The following EYA4 variants were observed in gnomAD, a reference collection of about 807,000 sequenced individuals.
EYA4 encodes the protein protein phosphatase EYA4.
A neutral mutation model predicts 87.9 loss-of-function variants in EYA4; 31 were observed. The ratio of observed to expected loss-of-function variants is 0.35; its 90% CI spans 0.27 to 0.48. The LOEUF (loss-of-function observed/expected upper bound fraction) is 0.48. Among genes scored for constraint, EYA4 ranks in the 20% least tolerant of loss-of-function variants. The pLI is 0.99. For synonymous variants in EYA4, 263 were observed against 270.6 expected (o/e 0.97, Z 0.28); for missense variants, 678 against 761.4 (o/e 0.89, Z 1.29).
chr6:133,248,418 ACCACATACC>A, intron 1 of EYA4: 1 of 152,240 alleles, frequency 6.6e-6, no homozygotes. Flanking sequence ...AAGTAGGTGT[ACCACATACC>A]GGGAGGGCTC....
chr6:133,490,307 C>T (rs1797031987), intron 13 of EYA4, among the ~76,000 whole-genome samples: 2 of 151,542 alleles, frequency 1.3e-5, no homozygotes, highest in South Asian at 4.2e-4. Flanking sequence ...GGAATAAGTC[C>T]TTACTTATCA....
intron 1 of EYA4, among the ~76,000 whole-genome samples, chr6:133,246,433 G>C (rs772846082): frequency 1.7e-4 from 26 of 150,898 alleles, no homozygotes; most frequent in Non-Finnish European, 2.4e-4. Context: ...GTTCTATCGT[G>C]TTAGAATTTT....
chr6:133,526,153 C>T (rs1053275206), intron 19 of EYA4, among the ~76,000 whole-genome samples: 1 of 152,148 alleles, frequency 6.6e-6, no homozygotes, highest in Non-Finnish European at 1.5e-5. Flanking sequence ...CAACTCCACC[C>T]TAAGATCTAC....
At chr6:133,486,171 T>C (rs1173182551) in intron 13 of EYA4, among the ~76,000 whole-genome samples, 1 of 152,250 alleles carries the variant, frequency 6.6e-6, no homozygotes, top group Non-Finnish European at 1.5e-5. Context: ...CCTTGTCGAA[T>C]TCCATGAAAA....
chr6:133,505,598 C>T (rs1164274558), intron 13 of EYA4, among the ~76,000 whole-genome samples: 2 of 152,200 alleles, frequency 1.3e-5, no homozygotes, highest in East Asian at 3.9e-4. Context: ...GCACCATCCT[C>T]TGCCAGCTCT....
chr6:133,331,267 T>C (rs1459601923), intron 2 of EYA4, among the ~76,000 whole-genome samples: 1 of 152,148 alleles, frequency 6.6e-6, no homozygotes, highest in South Asian at 2.1e-4. Flanking sequence ...TTTAAAAATT[T>C]GTGAAATATC....
intron 2 of EYA4, among the ~76,000 whole-genome samples, chr6:133,371,403 A>G (rs1172985180): frequency 6.6e-6 from 1 of 152,134 alleles, no homozygotes; most frequent in Non-Finnish European, 1.5e-5. Context: ...TTTCTGAAAT[A>G]CTCTGCAATT....
intron 1 of EYA4, among the ~76,000 whole-genome samples, chr6:133,266,476 C>T (rs1222228259): frequency 6.6e-6 from 1 of 152,114 alleles, no homozygotes; most frequent in Admixed American, 6.5e-5. Flanking sequence ...CAGTTCTAAG[C>T]CACCCAGTTT....
chr6:133,453,716 A>G (rs1368996097), intron 5 of EYA4: 5 of 152,112 alleles, frequency 3.3e-5, no homozygotes, highest in South Asian at 2.1e-4. Context: ...CTACCCTTGC[A>G]TAGGAAAAAC....
chr6:133,515,592 TGAGA>T lies in EYA4; in HGVS notation c.1616+173_1616+176del, dbSNP rs72138737. ...TTTTTTCAATTTCAGTGCATGTGCA[TGAGA>T]GAGAGAGAGAGAGAGTGTGTGTGTG... On this transcript the variant is annotated intron_variant, in intron 17 of 19. Transcript: ENST00000355286. Among the ~76,000 whole-genome samples, 1,076 of 146,252 alleles carry T rather than the reference TGAGA, an allele frequency of 7.4e-3. 11 individuals are homozygous for T. The highest frequency in any genetic ancestry group is 0.025 in the African/African-American group (975 of 39,036).
At chr6:133,330,697 C>A (rs1781873442) in intron 2 of EYA4, among the ~76,000 whole-genome samples, 2 of 151,800 alleles carry the variant, frequency 1.3e-5, no homozygotes, top group African/African-American at 4.8e-5. Flanking sequence ...TTTTGTTATA[C>A]ACTGTGGTAT....
At position 133,285,423 on chromosome 6, in the gene EYA4, A is replaced by G. The variant is rs182066263; in HGVS notation, c.33+10610A>G. 1.3e-3 allele frequency among the ~76,000 whole-genome samples: 205 copies of G among 152,322 alleles called. 1 individual carries two copies. The highest frequency in any genetic ancestry group is 4.6e-3 in the African/African-American group (191 of 41,578). ...AGCATGCAGGGTAGGTTCAAGGAAT[A>G]GAAAGGATGTCAGCGTTGGTGGTAG... On this transcript the variant is annotated intron_variant, in intron 2 of 19. Coordinates refer to ENST00000355286, the MANE Select transcript of EYA4 (RefSeq NM_004100.5).
intron 2 of EYA4, among the ~76,000 whole-genome samples, chr6:133,282,763 G>A (rs1023070655): frequency 1.3e-5 from 2 of 152,146 alleles, no homozygotes; most frequent in African/African-American, 2.4e-5. Flanking sequence ...CGAGCTCATT[G>A]GAAAAGTAAT....
intron 2 of EYA4, among the ~76,000 whole-genome samples, chr6:133,355,232 T>C (rs9389073): frequency 0.031 from 4,743 of 152,178 alleles, 174 homozygotes; most frequent in East Asian, 0.2. Context: ...CCTGATCCTC[T>C]CCCTCCTGCC....
At chr6:133,430,115 C>T (rs1462455218) in intron 3 of EYA4, among the ~76,000 whole-genome samples, 5 of 152,092 alleles carry the variant, frequency 3.3e-5, no homozygotes, top group South Asian at 2.1e-4. Context: ...TGAGAACATG[C>T]GGTATTTGGT....
intron 3 of EYA4, among the ~76,000 whole-genome samples, chr6:133,411,314 C>T (rs964517939): frequency 3.9e-5 from 6 of 151,930 alleles, no homozygotes; most frequent in Admixed American, 1.3e-4. Flanking sequence ...TTTTATGGAG[C>T]GGGACCCAAT....
chr6:133,487,440 G>C (rs1052473416), intron 13 of EYA4, among the ~76,000 whole-genome samples: 4 of 152,142 alleles, frequency 2.6e-5, no homozygotes, highest in African/African-American at 9.7e-5. Context: ...TCAGGCCCAG[G>C]CATCACAGCT....
chr6:133,417,834 G>A (rs1789867967), intron 3 of EYA4, among the ~76,000 whole-genome samples: 1 of 152,168 alleles, frequency 6.6e-6, no homozygotes, highest in African/African-American at 2.4e-5. Flanking sequence ...GCTGAGGTGG[G>A]ACTTGAAGAC....
Position 133,461,523 on chromosome 6 carries a change from A to G in EYA4, c.437+343A>G, listed in dbSNP as rs541915357. ...TGTTGGATTTCCAGTTCTAATAAAC[A>G]TATTTTTGAAGAATATGCCTTATTG... On this transcript the variant is annotated intron_variant, in intron 7 of 19. Coordinates refer to ENST00000355286, the MANE Select transcript of EYA4 (RefSeq NM_004100.5). Among the ~76,000 whole-genome samples the G allele has an allele frequency of 3.0e-3, 458 of 152,266 alleles. 3 individuals carry two copies. Among genetic ancestry groups the G allele is most frequent in the African/African-American group, 0.011 (443 of 41,576 alleles).
Sources: allele counts gnomAD v4.1 joint callset (sites outside exome capture counted in the v4.1 genomes callset), GRCh38; gene constraint gnomAD v4.1.1; transcripts MANE v1.5; gene names NCBI Gene and HGNC (gene_info 2026-07-23, HGNC 2026-07-21).